The following NREP variants were observed in gnomAD, a reference collection of about 807,000 sequenced individuals.
The protein encoded by NREP is neuronal regeneration related protein.
NREP carries 5 observed loss-of-function variants against 8.6 expected under a neutral mutation model. That is an observed-to-expected ratio of 0.58 (90% CI 0.30 to 1.22). The LOEUF (loss-of-function observed/expected upper bound fraction) is 1.22. Ranked by LOEUF, NREP falls within the 50% of genes most tolerant of loss-of-function variation. The pLI is 0.07. For synonymous variants in NREP, 27 were observed against 28.0 expected, an observed-to-expected ratio of 0.96 and a Z score of 0.11; for missense variants, 86 against 82.5, an observed-to-expected ratio of 1.04 and a Z score of -0.17.
At chr5:111,898,432 A>G (rs1754565944) in intron 2 of NREP, among the ~76,000 whole-genome samples, 1 of 152,190 alleles carries the variant, frequency 6.6e-6, no homozygotes, top group Non-Finnish European at 1.5e-5. Context: ...AGTAATTGTT[A>G]CCAACTGAGA....
intron 2 of NREP, among the ~76,000 whole-genome samples, chr5:111,753,330 T>TTATA (rs10546970): frequency 0.032 from 4,565 of 140,710 alleles, 86 homozygotes; most frequent in Middle Eastern, 0.04. Context: ...CAAGTTGATT[T>TTATA]TATATATATA....
At chr5:111,865,909 A>G (rs1244806657) in intron 2 of NREP, among the ~76,000 whole-genome samples, 1 of 152,162 alleles carries the variant, frequency 6.6e-6, no homozygotes, top group Non-Finnish European at 1.5e-5. Context: ...AATATATGTG[A>G]CACAGGTCTA....
rs1167328123 is a variant in NREP at position 111,936,899 on chromosome 5, C to T, written c.135+38375G>A. Among the ~76,000 whole-genome samples, 2 of 152,070 alleles carry T rather than the reference C, an allele frequency of 1.3e-5. 1 individual carries two copies. The highest frequency in any genetic ancestry group is 2.9e-5 in the Non-Finnish European group (2 of 68,000). Reference sequence around the variant, plus strand: ...TAACACAAGGTGCTATTTTCATGCGCAAGAACCGAATTATTCTCACTCATG... The same window carrying T: ...TAACACAAGGTGCTATTTTCATGCGTAAGAACCGAATTATTCTCACTCATG... On this transcript the variant is annotated intron_variant, in intron 2 of 3. Coordinates refer to the NREP transcript ENST00000395634.
intron 2 of NREP, among the ~76,000 whole-genome samples, chr5:111,914,523 G>A (rs934932058): frequency 6.6e-6 from 1 of 152,050 alleles, no homozygotes; most frequent in Non-Finnish European, 1.5e-5. Flanking sequence ...TAGCCAATCG[G>A]GACAAATACA....
chr5:111,790,841 C>T (rs1325836868), intron 2 of NREP, among the ~76,000 whole-genome samples: 1 of 152,098 alleles, frequency 6.6e-6, no homozygotes, highest in Admixed American at 6.6e-5. Context: ...TCCACTTATG[C>T]GCCTATTTTT....
At chr5:111,952,068 C>T (rs1039360837) in intron 2 of NREP, among the ~76,000 whole-genome samples, 30 of 152,124 alleles carry the variant, frequency 2.0e-4, no homozygotes, top group Admixed American at 9.2e-4. Flanking sequence ...AGTTCTTCTA[C>T]AGTGCTTAAT....
upstream of NREP, chr5:111,757,370 C>T (rs1355732769): frequency 5.9e-5 from 56 of 945,382 alleles, no homozygotes; most frequent in Non-Finnish European, 6.7e-5. Flanking sequence ...AGGAGATCAT[C>T]TCCCTGCCTC....
chr5:111,947,373 A>G (rs1332248648), intron 2 of NREP, among the ~76,000 whole-genome samples: 1 of 152,038 alleles, frequency 6.6e-6, no homozygotes, highest in East Asian at 1.9e-4. Flanking sequence ...AAGAAATATG[A>G]CATAATAAAT....
chr5:111,737,509 G>A (rs967778917), intron 2 of NREP, among the ~76,000 whole-genome samples: 2 of 152,116 alleles, frequency 1.3e-5, no homozygotes, highest in Non-Finnish European at 2.9e-5. Context: ...GCAAAGAAAA[G>A]CAAGGTCAGG....
rs75496614 is a variant in NREP, at chr5:111,925,843, G to T, written c.135+49431C>A. On this transcript the variant is annotated intron_variant, in intron 2 of 3. Coordinates refer to the NREP transcript ENST00000395634. ...GTGGGGTCACTACGGTCCTAGCCAG[G>T]GTTTTCAGGGGGTATTGCTTCTCTC... Among the ~76,000 whole-genome samples the T allele has an allele frequency of 7.7e-4, 117 of 152,232 alleles. 3 individuals are homozygous for T. In the East Asian group the frequency reaches 0.02, roughly 26 times the overall value.
At chr5:111,816,909 A>G (rs1286496344) in intron 2 of NREP, among the ~76,000 whole-genome samples, 1 of 152,046 alleles carries the variant, frequency 6.6e-6, no homozygotes, top group African/African-American at 2.4e-5. Context: ...TAAATTGTAA[A>G]AACGCTAGCT....
chr5:111,779,541 G>A (rs534269230), intron 2 of NREP, among the ~76,000 whole-genome samples: 1 of 152,286 alleles, frequency 6.6e-6, no homozygotes, highest in South Asian at 2.1e-4. Context: ...CTGGAGCTAT[G>A]AGAACCAGGA....
intron 2 of NREP, among the ~76,000 whole-genome samples, chr5:111,950,751 A>G (rs1405236935): frequency 6.6e-6 from 1 of 151,986 alleles, no homozygotes; most frequent in Non-Finnish European, 1.5e-5. Context: ...AAGGATATGA[A>G]CAGACACTTC....
In NREP at chr5:111,934,833, G is replaced by A. The variant is rs193234617; in HGVS notation, c.135+40441C>T. 3.9e-5 allele frequency among the ~76,000 whole-genome samples: 6 copies of A among 152,122 alleles called. No individual in the cohort carries two copies. In the East Asian group the frequency reaches 5.9e-4, roughly 15 times the overall value. On this transcript the variant is annotated intron_variant, in intron 2 of 3. Coordinates refer to the NREP transcript ENST00000395634. ...TATGGAGAACCTCCTGGGAGAAGAGGCAGCAACCTCCAGGTGAGGGAGGCA... is the reference window on the plus strand; with the variant it reads ...TATGGAGAACCTCCTGGGAGAAGAGACAGCAACCTCCAGGTGAGGGAGGCA...
chr5:111,948,297 T>G (rs1255137266), intron 2 of NREP, among the ~76,000 whole-genome samples: 1 of 152,100 alleles, frequency 6.6e-6, no homozygotes, highest in African/African-American at 2.4e-5. Flanking sequence ...CGAACAGCTG[T>G]GGAGAAAATA....
chr5:111,801,374 C>T (rs549666368), intron 2 of NREP, among the ~76,000 whole-genome samples: 24 of 152,122 alleles, frequency 1.6e-4, no homozygotes, highest in Non-Finnish European at 3.1e-4. Flanking sequence ...GCTTTAAATT[C>T]GAAAAGAAGG....
intron 2 of NREP, among the ~76,000 whole-genome samples, chr5:111,836,355 G>C (rs556829167): frequency 1.2e-4 from 18 of 152,108 alleles, no homozygotes; most frequent in African/African-American, 3.6e-4. Context: ...ATACAGAGAG[G>C]GGTGTGGGTG....
rs867775101 is a variant in NREP, at chr5:111,884,236, A to C, written c.135+91038T>G. On this transcript the variant is annotated intron_variant, in intron 2 of 3. Coordinates refer to the NREP transcript ENST00000395634. The stretch of plus-strand genomic sequence containing the variant: ...CTAGAAAATCTAGAAGAAATGGATA[A>C]ATTCCTCGACACATACACTCTCCCA... Among the ~76,000 whole-genome samples, 710 of 151,268 alleles carry C rather than the reference A, an allele frequency of 4.7e-3. 4 individuals are homozygous for C. The highest frequency in any genetic ancestry group is 0.016 in the African/African-American group (653 of 40,924).
At chr5:111,839,002 T>C (rs185756687) in intron 2 of NREP, among the ~76,000 whole-genome samples, 1 of 152,120 alleles carries the variant, frequency 6.6e-6, no homozygotes, top group East Asian at 1.9e-4. Context: ...TCCGTATTTT[T>C]AAAAAATACC....
Sources: gnomAD v4.1 joint callset for allele counts (sites outside exome capture counted in the v4.1 genomes callset) on GRCh38, gnomAD v4.1.1 for gene constraint, MANE v1.5 for transcripts, NCBI Gene and HGNC (gene_info 2026-07-23, HGNC 2026-07-21) for gene names.